Variants in CCDC30 observed in about 807,000 individuals in gnomAD.
CCDC30 encodes the protein coiled-coil domain-containing protein 30.
A neutral mutation model predicts 100.2 loss-of-function variants in CCDC30; 70 were observed. The observed-to-expected ratio is 0.70, with a 90% CI of 0.58 to 0.85. The LOEUF (loss-of-function observed/expected upper bound fraction) is 0.85. CCDC30 is among the 40% of genes least tolerant of loss of function. The pLI is 0.00. For synonymous variants in CCDC30, 233 were observed against 269.5 expected (o/e 0.86, Z 1.33); for missense variants, 652 against 771.2 (o/e 0.85, Z 1.83).
chr1:42,489,839 T>C (rs1380182113), intron 3 of CCDC30: 2 of 168,554 alleles, frequency 1.2e-5, no homozygotes, highest in Admixed American at 1.3e-4. Flanking sequence ...AAACTGGTAG[T>C]ACCATACCTA....
At chr1:42,582,357 G>A (rs1645985627) in intron 9 of CCDC30, among the ~76,000 whole-genome samples, 1 of 152,196 alleles carries the variant, frequency 6.6e-6, no homozygotes, top group Non-Finnish European at 1.5e-5. Context: ...CCATATCATT[G>A]CAGTCTTTTG....
At position 42,626,983 on chromosome 1, in the gene CCDC30, C is replaced by T. The variant is rs554217089; in HGVS notation, c.1278-10254C>T. On this transcript the variant is annotated intron_variant, in intron 11 of 16. Coordinates refer to ENST00000668663, the Ensembl canonical transcript of CCDC30. ...GAAAAAATACCCAAAAATTTGGAAG[C>T]GACTTTGGAAGTGGATAACAGGCAG... Among the ~76,000 whole-genome samples the T allele has an allele frequency of 5.8e-4, 88 of 152,062 alleles. 1 individual carries two copies. The highest frequency in any genetic ancestry group is 2.1e-4 in the South Asian group (1 of 4,824).
intron 6 of CCDC30, chr1:42,536,995 C>A (rs1644917741): frequency 2.8e-6 from 1 of 359,720 alleles, no homozygotes; most frequent in Non-Finnish European, 5.4e-6. Context: ...CTATCTATCT[C>A]CAAATACAGT....
At chr1:42,457,887 G>A in the CCDC30 span, among the ~76,000 whole-genome samples, 1 of 151,780 alleles carries the variant, frequency 6.6e-6, no homozygotes, top group Non-Finnish European at 1.5e-5. Flanking sequence ...ACCAGGAGGC[G>A]GAGGTTGCAG....
chr1:42,557,223 T>C (rs1358764631), intron 6 of CCDC30, among the ~76,000 whole-genome samples: 1 of 152,168 alleles, frequency 6.6e-6, no homozygotes, highest in African/African-American at 2.4e-5. Context: ...AGTTAAAAAA[T>C]ATATTTGAAA....
At chr1:42,482,000 C>T (rs998854672) in intron 2 of CCDC30, among the ~76,000 whole-genome samples, 6 of 152,068 alleles carry the variant, frequency 3.9e-5, no homozygotes, top group East Asian at 1.9e-4. Flanking sequence ...GGGTGGATCA[C>T]GAGGTCAGGA....
At chr1:42,641,322 C>T (rs1353601867) in intron 12 of CCDC30, among the ~76,000 whole-genome samples, 1 of 151,858 alleles carries the variant, frequency 6.6e-6, no homozygotes, top group East Asian at 1.9e-4. Flanking sequence ...AAGCAATCCT[C>T]CCACTTTGGC....
At chr1:42,613,213 T>C (rs2148645298) in intron 11 of CCDC30, among the ~76,000 whole-genome samples, 1 of 152,080 alleles carries the variant, frequency 6.6e-6, no homozygotes, top group Admixed American at 6.6e-5. Flanking sequence ...ATTTCTTGAT[T>C]GTAAATATGG....
intron 6 of CCDC30, among the ~76,000 whole-genome samples, chr1:42,533,672 A>T (rs1220290798): frequency 6.6e-6 from 1 of 152,214 alleles, no homozygotes; most frequent in Non-Finnish European, 1.5e-5. Context: ...ACAGGTGATG[A>T]CCAGGCAGTA....
upstream of CCDC30, chr1:42,459,442 A>G: frequency 1.5e-6 from 1 of 686,914 alleles, no homozygotes; most frequent in Non-Finnish European, 2.4e-6. Context: ...ATTACAGGCC[A>G]AGCCACTGTG....
intron 6 of CCDC30, among the ~76,000 whole-genome samples, chr1:42,554,870 C>G (rs1645336290): frequency 6.6e-6 from 1 of 152,044 alleles, no homozygotes; most frequent in South Asian, 2.1e-4. Context: ...TCCCCTTTCT[C>G]CCTGGTTCGT....
At chr1:42,518,563 G>A (rs563326081) in intron 6 of CCDC30, among the ~76,000 whole-genome samples, 1 of 152,224 alleles carries the variant, frequency 6.6e-6, no homozygotes, top group African/African-American at 2.4e-5. Flanking sequence ...ACAGTAACAT[G>A]CTGTACAGAT....
intron 1 of CCDC30, among the ~76,000 whole-genome samples, chr1:42,464,439 A>T (rs941313740): frequency 1.3e-5 from 2 of 152,222 alleles, no homozygotes; most frequent in Admixed American, 1.3e-4. Flanking sequence ...AACACTGGGG[A>T]TATGATGTAA....
downstream of CCDC30, among the ~76,000 whole-genome samples, chr1:42,656,749 G>A (rs1648677232): frequency 6.6e-6 from 1 of 152,104 alleles, no homozygotes; most frequent in South Asian, 2.1e-4. Context: ...CCTAAAATGG[G>A]AACAATAATA....
chr1:42,568,272 G>A (rs944439324), intron 7 of CCDC30, among the ~76,000 whole-genome samples: 35 of 151,972 alleles, frequency 2.3e-4, no homozygotes, highest in African/African-American at 7.2e-4. Context: ...ATGTCACCAC[G>A]CCCAGCTAAT....
At chr1:42,456,251 A>G in the CCDC30 span, 1 of 604,768 alleles carries the variant, frequency 1.7e-6, no homozygotes, top group African/African-American at 1.9e-5. Context: ...GTCCAAGTCC[A>G]GAAAGGCCCG....
At chr1:42,489,709 C>A (rs1644107537) in intron 3 of CCDC30, among the ~76,000 whole-genome samples, 1 of 152,132 alleles carries the variant, frequency 6.6e-6, no homozygotes, top group South Asian at 2.1e-4. Context: ...TGCATAGCAC[C>A]AAAAGCTATT....
intron 1 of CCDC30, chr1:42,473,356 C>T (rs1488675650): frequency 9.9e-7 from 1 of 1,012,208 alleles, no homozygotes; most frequent in African/African-American, 1.7e-5. Flanking sequence ...TGTTCATTGC[C>T]CTTCATTAAA....
At chr1:42,589,326 T>G (rs1646137704) in exon 10 of CCDC30, 1 of 1,598,412 alleles carries the variant, frequency 6.3e-7, no homozygotes, top group Admixed American at 1.8e-5. Flanking sequence ...CTCAGGAAAC[T>G]TCTATATCAG....
Sources: allele counts gnomAD v4.1 joint callset (sites outside exome capture counted in the v4.1 genomes callset), GRCh38; gene constraint gnomAD v4.1.1; transcripts MANE v1.5; gene names NCBI Gene and HGNC (gene_info 2026-07-23, HGNC 2026-07-21).